The following KCNQ3 variants were observed in gnomAD, a reference collection of about 807,000 sequenced individuals.
KCNQ3 encodes potassium voltage-gated channel subfamily KQT member 3.
Under a neutral mutation model 92.5 loss-of-function variants are expected in KCNQ3, and 30 were observed. The observed-to-expected ratio is 0.32, with a 90% CI of 0.24 to 0.44. KCNQ3 has a LOEUF of 0.44. Ranked by LOEUF, KCNQ3 falls within the 20% of genes least tolerant of loss-of-function variation. KCNQ3 has a pLI of 1.00. For synonymous variants in KCNQ3, 450 were observed against 468.8 expected (o/e 0.96, Z 0.52); for missense variants, 913 against 1,140.3 (o/e 0.80, Z 2.87).
rs142375102 is a variant in KCNQ3 at position 132,302,490 on chromosome 8, A to G, written c.387-116309T>C. 3.4e-3 allele frequency among the ~76,000 whole-genome samples: 525 copies of G among 152,320 alleles called. 2 individuals carry two copies. Among genetic ancestry groups the G allele is most frequent in the African/African-American group, 0.012 (486 of 41,552 alleles). ...CCTGTTGGCATTTGCAGTTTGAGCCACTGCTGGAACTGGAAGACAATGCCA... is the reference window on the plus strand; with the variant it reads ...CCTGTTGGCATTTGCAGTTTGAGCCGCTGCTGGAACTGGAAGACAATGCCA... On this transcript the variant is annotated intron_variant, in intron 1 of 14. Transcript: ENST00000388996.
At chr8:132,298,801 C>T (rs201663781) in intron 1 of KCNQ3, among the ~76,000 whole-genome samples, 1 of 151,958 alleles carries the variant, frequency 6.6e-6, no homozygotes, top group Non-Finnish European at 1.5e-5. Context: ...CCCAGCTACT[C>T]GGAAGGCTGA....
chr8:132,281,698 C>G (rs1036437093), intron 1 of KCNQ3, among the ~76,000 whole-genome samples: 1 of 151,870 alleles, frequency 6.6e-6, no homozygotes, highest in Non-Finnish European at 1.5e-5. Flanking sequence ...GCATGCCCAC[C>G]GGCACCCCCA....
At chr8:132,287,785 G>GA (rs1661063522) in intron 1 of KCNQ3, among the ~76,000 whole-genome samples, 1 of 152,128 alleles carries the variant, frequency 6.6e-6, no homozygotes, top group African/African-American at 2.4e-5. Context: ...AGGGACTGGG[G>GA]AAAAATGAGA....
At chr8:132,421,737 C>G (rs939238492) in intron 1 of KCNQ3, among the ~76,000 whole-genome samples, 1 of 152,114 alleles carries the variant, frequency 6.6e-6, no homozygotes, top group Non-Finnish European at 1.5e-5. Context: ...AAGATCCTAC[C>G]AGGATGCGAG....
chr8:132,377,544 C>A (rs1819644074), intron 1 of KCNQ3, among the ~76,000 whole-genome samples: 1 of 152,176 alleles, frequency 6.6e-6, no homozygotes. Flanking sequence ...GGCCTCCCAA[C>A]CCATCACAGA....
chr8:132,460,940 A>G (rs1315554153), intron 1 of KCNQ3, among the ~76,000 whole-genome samples: 3 of 152,188 alleles, frequency 2.0e-5, no homozygotes, highest in East Asian at 1.9e-4. Flanking sequence ...TCCTGTCACT[A>G]AAGTTTTGCT....
intron 1 of KCNQ3, among the ~76,000 whole-genome samples, chr8:132,309,193 G>A (rs1255345810): frequency 6.6e-6 from 1 of 152,178 alleles, no homozygotes; most frequent in African/African-American, 2.4e-5. Flanking sequence ...AAGTTCTTCA[G>A]CTTTGGGACT....
intron 1 of KCNQ3, among the ~76,000 whole-genome samples, chr8:132,210,920 G>A (rs994986768): frequency 8.5e-5 from 13 of 152,200 alleles, no homozygotes; most frequent in Non-Finnish European, 1.8e-4. Flanking sequence ...TTATTAAAAT[G>A]GGTTGGCACA....
At chr8:132,185,306 G>T (rs189828829) in intron 2 of KCNQ3, among the ~76,000 whole-genome samples, 2 of 152,246 alleles carry the variant, frequency 1.3e-5, no homozygotes, top group African/African-American at 4.8e-5. Flanking sequence ...TGCAGGATGG[G>T]GCCTCACCCC....
At chr8:132,263,392 C>T (rs181370829) in intron 1 of KCNQ3, among the ~76,000 whole-genome samples, 365 of 152,326 alleles carry the variant, frequency 2.4e-3, no homozygotes, top group Non-Finnish European at 3.3e-3. Context: ...CTGATGCTGA[C>T]GGCTCCACCC....
rs1824643525 is a variant in KCNQ3, at chr8:132,125,714, AT to A, written c.*3547del. 6.6e-6 allele frequency: 1 copy of A among 152,182 alleles called. No individual in the cohort carries two copies. Among genetic ancestry groups the A allele is most frequent in the Non-Finnish European group, 1.5e-5 (1 of 68,050 alleles). The allele number at this position is 152,182 out of a possible 1,614,324, so 9.4% of individuals were successfully genotyped here. A position where few individuals can be genotyped will look rare whatever the true frequency, so the allele number is the denominator to read the frequency against. On this transcript the variant is annotated 3_prime_UTR_variant, in exon 15 of 15. Transcript: ENST00000388996. ...CTTGCACAAAATAGACACAGGATGC[AT>A]AATTGTTGATTAATTAGTTCATTTT... is the stretch of plus-strand genomic sequence containing the variant.
intron 1 of KCNQ3, among the ~76,000 whole-genome samples, chr8:132,191,711 G>T (rs1827168927): frequency 6.6e-6 from 1 of 151,440 alleles, no homozygotes; most frequent in African/African-American, 2.4e-5. Flanking sequence ...ACAGGTCTCT[G>T]CCAGGACAGC....
intron 9 of KCNQ3, among the ~76,000 whole-genome samples, chr8:132,154,595 G>A (rs981265583): frequency 2.6e-5 from 4 of 152,128 alleles, no homozygotes; most frequent in African/African-American, 9.7e-5. Context: ...AAGGTCCCTG[G>A]AGAATCCCCA....
intron 1 of KCNQ3, among the ~76,000 whole-genome samples, chr8:132,335,447 T>A (rs967397667): frequency 2.0e-5 from 3 of 152,104 alleles, no homozygotes; most frequent in African/African-American, 7.2e-5. Context: ...TCTATCCCCC[T>A]CACTTTGTAA....
intron 1 of KCNQ3, among the ~76,000 whole-genome samples, chr8:132,249,281 C>T (rs1306186610): frequency 6.6e-6 from 1 of 152,122 alleles, no homozygotes; most frequent in Admixed American, 6.5e-5. Flanking sequence ...CACATCCTGC[C>T]GATTGGTCCA....
intron 1 of KCNQ3, among the ~76,000 whole-genome samples, chr8:132,414,953 C>T (rs1305090690): frequency 6.6e-6 from 1 of 152,218 alleles, no homozygotes; most frequent in Non-Finnish European, 1.5e-5. Context: ...GGGCTCCGAG[C>T]CCCAGACCAC....
At chr8:132,237,364 T>C (rs1814851167) in intron 1 of KCNQ3, among the ~76,000 whole-genome samples, 2 of 152,192 alleles carry the variant, frequency 1.3e-5, no homozygotes, top group South Asian at 4.1e-4. Context: ...GCATATAATA[T>C]GTCAGTTGAT....
chr8:132,241,779 A>AGCT (rs1433016536), intron 1 of KCNQ3, among the ~76,000 whole-genome samples: 1 of 151,480 alleles, frequency 6.6e-6, no homozygotes, highest in African/African-American at 2.4e-5. Flanking sequence ...GGTTGCAGTG[A>AGCT]GCTGAGATGG....
At chr8:132,246,441 G>A (rs1392132639) in intron 1 of KCNQ3, among the ~76,000 whole-genome samples, 2 of 152,138 alleles carry the variant, frequency 1.3e-5, no homozygotes, top group African/African-American at 4.8e-5. Context: ...GGGTATTGCT[G>A]GAGTTTTCGT....
Sources: allele counts gnomAD v4.1 joint callset (sites outside exome capture counted in the v4.1 genomes callset), GRCh38; gene constraint gnomAD v4.1.1; transcripts MANE v1.5; gene names NCBI Gene and HGNC (gene_info 2026-07-23, HGNC 2026-07-21).